FMN2: variants seen among roughly 807,000 people sequenced by gnomAD.
The protein encoded by FMN2 is formin 2.
In FMN2, 51 loss-of-function variants were observed where a neutral mutation model predicts 142.3. The ratio of observed to expected loss-of-function variants is 0.36; its 90% CI spans 0.29 to 0.45. The LOEUF is 0.45. Ranked by LOEUF, FMN2 falls within the 20% of genes least tolerant of loss-of-function variation. The probability of loss-of-function intolerance (pLI) is 1.00; values close to 1 mark genes in which losing one functional copy is unlikely to be tolerated. For synonymous variants in FMN2, 882 were observed against 869.8 expected (o/e 1.01, Z -0.25); for missense variants, 1,936 against 2,122.8 (o/e 0.91, Z 1.73).
intron 16 of FMN2, among the ~76,000 whole-genome samples, chr1:240,452,948 T>C (rs375677079): frequency 7.9e-5 from 12 of 152,304 alleles, no homozygotes; most frequent in African/African-American, 2.6e-4. Context: ...GAATAAGGTA[T>C]GTAGCAAGAG....
chr1:240,249,471 A>G (rs192915807), intron 6 of FMN2, among the ~76,000 whole-genome samples: 28 of 152,176 alleles, frequency 1.8e-4, no homozygotes, highest in African/African-American at 6.7e-4. Context: ...TTGTTTTTAT[A>G]TCAATACCAT....
At chr1:240,195,494 G>A (rs1304431526) in intron 4 of FMN2, among the ~76,000 whole-genome samples, 2 of 152,100 alleles carry the variant, frequency 1.3e-5, no homozygotes, top group East Asian at 3.9e-4. Flanking sequence ...TGCTGCTGTT[G>A]GCCATAGTAA....
chr1:240,176,383 A>G lies in FMN2; in HGVS notation c.1783-1538A>G, dbSNP rs1266537254. Among the ~76,000 whole-genome samples, 3 of 152,192 alleles carry G rather than the reference A, an allele frequency of 2.0e-5. No individual in the cohort carries two copies. In the East Asian group the frequency reaches 5.8e-4, roughly 29 times the overall value. The stretch of plus-strand genomic sequence containing the variant: ...AGCGTGGCCAGCTTGCCACTCTGGT[A>G]GGTGCTTGACCTCACCTTGTGTGAA... On this transcript the variant is annotated intron_variant, in intron 2 of 17. Coordinates refer to ENST00000319653, the MANE Select transcript of FMN2 (RefSeq NM_020066.5).
At position 240,389,180 on chromosome 1, in the gene FMN2, A is replaced by G. The variant is rs529262379; in HGVS notation, c.4859-3331A>G. Among the ~76,000 whole-genome samples the G allele has an allele frequency of 1.0e-3, 155 of 152,326 alleles. 1 individual carries two copies. The highest frequency in any genetic ancestry group is 2.4e-3 in the Admixed American group (36 of 15,292). On this transcript the variant is annotated intron_variant, in intron 14 of 17. Coordinates refer to ENST00000319653, the MANE Select transcript of FMN2 (RefSeq NM_020066.5). ...GGCATACTTTATTTAAATGAAGTTT[A>G]TTAATAGTTGATTATCTGTACATAA...
intron 2 of FMN2, among the ~76,000 whole-genome samples, chr1:240,156,663 A>G (rs1664037904): frequency 6.6e-6 from 1 of 152,162 alleles, no homozygotes; most frequent in Non-Finnish European, 1.5e-5. Flanking sequence ...TGGCCCTAGG[A>G]TGGTAAGAGA....
rs1451131614 is a variant in FMN2, at chr1:240,143,588, C to T, written c.1782+20243C>T. 4 of 1,606,910 alleles carry T rather than the reference C, an allele frequency of 2.5e-6. No homozygotes were observed. The South Asian group carries it at 4.4e-5, about 18-fold the overall frequency. On this transcript the variant is annotated intron_variant, in intron 2 of 17. Coordinates refer to ENST00000319653, the MANE Select transcript of FMN2 (RefSeq NM_020066.5). ...AGCACATTCCCAGAGCCTGCCTATG[C>T]ACACACATCTACCAGTGTGTTGGCA... is the stretch of plus-strand genomic sequence containing the variant.
At chr1:240,426,051 CTA>C (rs1213130272) in intron 15 of FMN2, among the ~76,000 whole-genome samples, 1 of 152,148 alleles carries the variant, frequency 6.6e-6, no homozygotes, top group Non-Finnish European at 1.5e-5. Context: ...TGGGAAATAA[CTA>C]TTGGTAATAC....
rs145410673 is a variant in FMN2 at position 240,212,264 on chromosome 1, A to G, written c.4065+1029A>G. The stretch of plus-strand genomic sequence containing the variant: ...AGCAGACAATTTTCATTAGATGGAC[A>G]TTGCCAAATCCAGCCAGGAGAAGAT... On this transcript the variant is annotated intron_variant, in intron 6 of 17. Coordinates refer to ENST00000319653, the MANE Select transcript of FMN2 (RefSeq NM_020066.5). 1.5e-3 allele frequency among the ~76,000 whole-genome samples: 228 copies of G among 152,330 alleles called. 1 individual carries two copies. Among genetic ancestry groups the G allele is most frequent in the African/African-American group, 5.1e-3 (211 of 41,578 alleles).
At position 240,206,804 on chromosome 1, in the gene FMN2, T is replaced by C; in HGVS notation, c.1992T>C (p.Val664=). ...CTGTCCTTGTCGCCCTTCAGGAAGT[T>C]GTTGACATGAAGTCTGAGGGACAGG... is the stretch of plus-strand genomic sequence containing the variant. The part of the protein sequence containing the change: ...QKRSDAVQKE[V]VDMKSEGQAT... Residue 664 remains valine, a synonymous_variant, in exon 5 of 18, where the codon GTT becomes GTC. Coordinates refer to ENST00000319653, the MANE Select transcript of FMN2 (RefSeq NM_020066.5). 1 of 1,604,046 alleles carries C rather than the reference T, an allele frequency of 6.2e-7. No homozygotes were observed. Among genetic ancestry groups the C allele is most frequent in the East Asian group, 2.2e-5 (1 of 44,580 alleles).
At chr1:240,437,120 C>A (rs1191365645) in intron 15 of FMN2, among the ~76,000 whole-genome samples, 1 of 151,982 alleles carries the variant, frequency 6.6e-6, no homozygotes, top group Non-Finnish European at 1.5e-5. Context: ...GTCAAATAAC[C>A]ACTTTGAAAC....
chr1:240,364,796 C>A (rs1672606462), intron 14 of FMN2, among the ~76,000 whole-genome samples: 2 of 152,170 alleles, frequency 1.3e-5, no homozygotes. Flanking sequence ...TAGTACGTCG[C>A]AGACTCCCAA....
chr1:240,130,530 G>A (rs767359890), intron 2 of FMN2, among the ~76,000 whole-genome samples: 7 of 152,100 alleles, frequency 4.6e-5, no homozygotes, highest in Admixed American at 3.9e-4. Flanking sequence ...TCTCTTACTC[G>A]TGACCTCAAG....
intron 14 of FMN2, among the ~76,000 whole-genome samples, chr1:240,362,173 G>A (rs961133512): frequency 6.6e-6 from 1 of 152,156 alleles, no homozygotes; most frequent in African/African-American, 2.4e-5. Context: ...CGGGACAACT[G>A]TAACTGATGC....
chr1:240,093,941 G>A (rs1661109162), intron 1 of FMN2, among the ~76,000 whole-genome samples: 1 of 152,220 alleles, frequency 6.6e-6, no homozygotes, highest in African/African-American at 2.4e-5. Flanking sequence ...AGATCTTAAA[G>A]GGAACAACTT....
intron 3 of FMN2, among the ~76,000 whole-genome samples, chr1:240,179,801 G>A (rs1388292761): frequency 2.0e-5 from 3 of 152,136 alleles, no homozygotes; most frequent in Non-Finnish European, 4.4e-5. Flanking sequence ...CAGTTGCATG[G>A]AGAGCCCTTT....
chr1:240,419,213 G>A (rs779978640), intron 15 of FMN2, among the ~76,000 whole-genome samples: 7 of 152,230 alleles, frequency 4.6e-5, no homozygotes, highest in African/African-American at 7.2e-5. Context: ...AAATGCTTTC[G>A]TTTTATGCCT....
chr1:240,174,533 T>A (rs763725610), intron 2 of FMN2, among the ~76,000 whole-genome samples: 1 of 152,122 alleles, frequency 6.6e-6, no homozygotes, highest in Non-Finnish European at 1.5e-5. Flanking sequence ...TTTTTAAAAA[T>A]TTTTAAATAT....
At chr1:240,095,386 T>TAC (rs59692947) in intron 1 of FMN2, among the ~76,000 whole-genome samples, 6,969 of 149,810 alleles carry the variant, frequency 0.047, 491 homozygotes, top group African/African-American at 0.16. Context: ...TATATGTGCA[T>TAC]ACACACACAC....
chr1:240,224,221 C>A (rs115111519), intron 6 of FMN2, among the ~76,000 whole-genome samples: 1,536 of 152,238 alleles, frequency 0.01, 29 homozygotes, highest in African/African-American at 0.036. Context: ...TTATTTATTT[C>A]TGGCTTGATT....
Sources: gnomAD v4.1 joint callset for allele counts (sites outside exome capture counted in the v4.1 genomes callset) on GRCh38, gnomAD v4.1.1 for gene constraint, MANE v1.5 for transcripts, NCBI Gene and HGNC (gene_info 2026-07-23, HGNC 2026-07-21) for gene names.